The following RAD52 variants were observed in gnomAD, a reference collection of about 807,000 sequenced individuals.
The protein encoded by RAD52 is DNA repair protein RAD52 homolog.
A neutral mutation model predicts 55.5 loss-of-function variants in RAD52; 47 were observed. That is an observed-to-expected ratio of 0.85 (90% CI 0.67 to 1.08). The LOEUF is 1.08. Among genes scored for constraint, RAD52 ranks in the 50% least tolerant of loss-of-function variants. The pLI is 0.00. For missense variants in RAD52, 468 were observed against 522.8 expected (o/e 0.90, Z 1.02); for synonymous variants, 184 against 198.9 (o/e 0.92, Z 0.63).
chr12:973,751 T>A (rs935263999), intron 1 of RAD52, among the ~76,000 whole-genome samples: 2 of 150,542 alleles, frequency 1.3e-5, no homozygotes, highest in African/African-American at 4.9e-5. Flanking sequence ...AATGTTCGGA[T>A]TACAGGCATG....
upstream of RAD52, chr12:990,927 C>T (rs1195952639): frequency 3.1e-5 from 4 of 128,064 alleles, no homozygotes; most frequent in Non-Finnish European, 6.6e-5. Context: ...CCCGTGGCCG[C>T]AGGGGTCGTG....
intron 1 of RAD52, among the ~76,000 whole-genome samples, chr12:943,175 G>A (rs1378991926): frequency 1.3e-5 from 2 of 152,170 alleles, no homozygotes; most frequent in South Asian, 2.1e-4. Flanking sequence ...CCAAATGCTG[G>A]CAAGGATGTA....
intron 1 of RAD52, among the ~76,000 whole-genome samples, chr12:988,120 G>A (rs188929929): frequency 4.6e-5 from 7 of 152,052 alleles, no homozygotes; most frequent in Admixed American, 2.6e-4. Flanking sequence ...ACACAGGTGC[G>A]CATCACCATA....
chr12:963,202 TAG>T (rs1172354832), intron 1 of RAD52, among the ~76,000 whole-genome samples: 1 of 152,224 alleles, frequency 6.6e-6, no homozygotes, highest in East Asian at 1.9e-4. Context: ...TCGTTTTGCA[TAG>T]AGTGTTCTAT....
intron 1 of RAD52, among the ~76,000 whole-genome samples, chr12:965,098 G>A (rs1958740481): frequency 6.6e-6 from 1 of 151,828 alleles, no homozygotes; most frequent in East Asian, 1.9e-4. Context: ...TCCTGCCTCA[G>A]CCTCCCAAGT....
intron 10 of RAD52, 103 bp downstream of exon 10, chr12:914,328 A>G (rs1956243248): frequency 6.6e-7 from 1 of 1,515,268 alleles, no homozygotes. Flanking sequence ...AACCCCCTCA[A>G]CAAAACCACA....
rs374434139 is a variant in RAD52 at position 962,489 on chromosome 12, G to A, written c.-19+27320C>T. On this transcript the variant is annotated intron_variant, in intron 1 of 11. Transcript: ENST00000430095. ...CGAGTAGCTGGGACTACAGGTGCCC[G>A]CCACCACGCCTGGCTAATTTTTTTT... Among the ~76,000 whole-genome samples, 23 of 150,740 alleles carry A rather than the reference G, an allele frequency of 1.5e-4. No individual in the cohort carries two copies. The East Asian group carries it at 4.3e-3, about 28-fold the overall frequency.
chr12:921,528 T>C (rs1956725335), intron 7 of RAD52, among the ~76,000 whole-genome samples: 1 of 151,208 alleles, frequency 6.6e-6, no homozygotes, highest in Admixed American at 6.6e-5. Flanking sequence ...AGGAGGATCA[T>C]TTGAGTCTGG....
intron 1 of RAD52, among the ~76,000 whole-genome samples, chr12:961,771 T>C (rs76804597): frequency 6.6e-6 from 1 of 151,824 alleles, no homozygotes. Context: ...GTTGGAGCAG[T>C]AGACTCGGTT....
intron 6 of RAD52, chr12:926,862 A>G: frequency 6.5e-7 from 1 of 1,536,690 alleles, no homozygotes; most frequent in African/African-American, 1.4e-5. Flanking sequence ...TCGCAGTAGG[A>G]GTGGGAAGGC....
At chr12:987,270 G>A (rs534053019) in intron 1 of RAD52, among the ~76,000 whole-genome samples, 22 of 151,948 alleles carry the variant, frequency 1.4e-4, no homozygotes, top group Non-Finnish European at 2.6e-4. Flanking sequence ...TGCCCAGCCC[G>A]CCAGTTTGAT....
intron 1 of RAD52, among the ~76,000 whole-genome samples, chr12:973,310 C>G (rs1180174110): frequency 6.6e-6 from 1 of 152,044 alleles, no homozygotes; most frequent in Non-Finnish European, 1.5e-5. Flanking sequence ...ACCTCGTGAT[C>G]CACCCTCCTG....
intron 7 of RAD52, among the ~76,000 whole-genome samples, chr12:924,015 CACT>C (rs1175340397): frequency 5.4e-5 from 8 of 149,168 alleles, no homozygotes; most frequent in Non-Finnish European, 8.9e-5. Context: ...GCTGAGATCA[CACT>C]ACTGCACTCC....
At chr12:988,028 AG>A (rs1034342076) in intron 1 of RAD52, among the ~76,000 whole-genome samples, 2 of 152,090 alleles carry the variant, frequency 1.3e-5, no homozygotes, top group Admixed American at 6.5e-5. Flanking sequence ...GCTGGGGTGC[AG>A]CACCACCATC....
chr12:947,899 A>G (rs897713615), intron 1 of RAD52, among the ~76,000 whole-genome samples: 1 of 148,494 alleles, frequency 6.7e-6, no homozygotes, highest in Non-Finnish European at 1.5e-5. Flanking sequence ...AAAAAAAAAA[A>G]AAACAAAAAA....
chr12:990,394 GCTGCGAGT>G (rs1038207115), upstream of RAD52: 1 of 152,102 alleles, frequency 6.6e-6, no homozygotes, highest in African/African-American at 2.4e-5. Flanking sequence ...ACCAAAGCCG[GCTGCGAGT>G]CTGCACGAGA....
chr12:916,964 C>T, intron 7 of RAD52, 144 bp from the exon 8 acceptor site: 1 of 1,094,720 alleles, frequency 9.1e-7, no homozygotes. Flanking sequence ...ACTCCATGAG[C>T]AGGAGGAGCC....
chr12:973,779 C>CTTTTTTTTTTT lies in RAD52; in HGVS notation c.-19+16029_-19+16030insAAAAAAAAAAA, dbSNP rs1401411600. Among the ~76,000 whole-genome samples, 93 of 136,848 alleles carry CTTTTTTTTTTT rather than the reference C, an allele frequency of 6.8e-4. 1 individual carries two copies. Among genetic ancestry groups the CTTTTTTTTTTT allele is most frequent in the African/African-American group, 2.6e-3 (86 of 33,168 alleles). 89.8% of individuals were successfully genotyped at this position (136,848 alleles called of 152,430 possible). A position where few individuals can be genotyped will look rare whatever the true frequency, so the allele number is the denominator to read the frequency against. On this transcript the variant is annotated intron_variant, in intron 1 of 11. Transcript: ENST00000430095. Reference sequence around the variant, plus strand: ...CAGGCATGAGCCACCACGCCCAGTCCTTCTTTTTTTTTTTTTTTTTTTTTT... The same window carrying CTTTTTTTTTTT: ...CAGGCATGAGCCACCACGCCCAGTCCTTTTTTTTTTTTTCTTTTTTTTTTTTTTTTTTTTTT...
intron 5 of RAD52, 118 bp from the exon 6 acceptor site, chr12:927,381 A>G: frequency 2.6e-6 from 2 of 755,912 alleles, no homozygotes; most frequent in South Asian, 1.6e-5. Context: ...GCCTTGCTAC[A>G]GGGGCACGGG....
Sources: allele counts gnomAD v4.1 joint callset (sites outside exome capture counted in the v4.1 genomes callset), GRCh38; gene constraint gnomAD v4.1.1; transcripts MANE v1.5; gene names NCBI Gene and HGNC (gene_info 2026-07-23, HGNC 2026-07-21).